Variants in CASP10 observed in about 807,000 individuals in gnomAD.
CASP10 encodes caspase-10.
In CASP10, 41 loss-of-function variants were observed where a neutral mutation model predicts 48.5. That is an observed-to-expected ratio of 0.85 (90% CI 0.66 to 1.10). The LOEUF (loss-of-function observed/expected upper bound fraction) is 1.10, where lower values mean the gene tolerates loss of function less well. Among genes scored for constraint, CASP10 ranks in the 50% least tolerant of loss-of-function variants. CASP10 has a pLI of 0.00. For missense variants in CASP10, 614 were observed against 614.5 expected (o/e 1.00, Z 0.01); for synonymous variants, 232 against 238.4 (o/e 0.97, Z 0.25).
intron 9 of CASP10, chr2:201,214,865 GATGAT>G (rs1433967667): frequency 2.0e-5 from 3 of 152,028 alleles, no homozygotes; most frequent in African/African-American, 7.3e-5. Context: ...GCATAGGAGG[GATGAT>G]ATTAGGTGGG....
In CASP10 at chr2:201,208,152, G is replaced by A; in HGVS notation, c.891G>A (p.Leu297=). The A allele has an allele frequency of 6.2e-7, 1 of 1,614,044 alleles. No individual in the cohort carries two copies. Among genetic ancestry groups the A allele is most frequent in the African/African-American group, 1.3e-5 (1 of 75,028 alleles). The change falls in exon 8 of 10, where the codon CTG becomes CTA. Residue 297 remains leucine, a synonymous_variant. Transcript: ENST00000286186. The stretch of plus-strand genomic sequence containing the variant: ...TCAACAACCACAGCTTTACCTCCCT[G>A]AAGGACAGACAAGGAACCCATAAAG... The part of the protein sequence containing the change: ...VIVNNHSFTS[L]KDRQGTHKDA...
rs1014318438 is a variant in CASP10 at position 201,200,826 on chromosome 2, C to A, written c.685-2904C>A. 8 of 880,128 alleles carry A rather than the reference C, an allele frequency of 9.1e-6. No individual in the cohort carries two copies. In the Admixed American group the frequency reaches 2.1e-4, roughly 23 times the overall value. 54.5% of individuals were successfully genotyped at this position (880,128 alleles called of 1,614,324 possible). A position where few individuals can be genotyped will look rare whatever the true frequency, so the allele number is the denominator to read the frequency against. On this transcript the variant is annotated intron_variant, in intron 5 of 9. Transcript: ENST00000286186. ...TATTTATAAAATCTTAAATTGGCTT[C>A]TTTTCTCTAGGAAAATAGCCCTTGA...
chr2:201,199,176 CTAA>C (rs1463863677), intron 5 of CASP10, among the ~76,000 whole-genome samples: 1 of 152,070 alleles, frequency 6.6e-6, no homozygotes, highest in Non-Finnish European at 1.5e-5. Context: ...TGTGTATTTC[CTAA>C]TAATAAGGAT....
At chr2:201,217,544 G>A (rs778661822) in intron 9 of CASP10, 44 bp from the exon 10 acceptor site, 6 of 1,355,958 alleles carry the variant, frequency 4.4e-6, no homozygotes, top group Non-Finnish European at 2.1e-6. Flanking sequence ...GGGCGACAGA[G>A]TGAGACTCCG....
intron 9 of CASP10, chr2:201,214,051 A>G (rs1945490165): frequency 6.6e-6 from 1 of 152,178 alleles, no homozygotes. Flanking sequence ...TATTTTTACT[A>G]TGAAGGCCAT....
In CASP10 at chr2:201,215,211, G is replaced by GT. The variant is rs10616229; in HGVS notation, c.1416-2352dup. Reference sequence around the variant, plus strand: ...ATTTTGTAGGTTGTCTCTTCCCTCGGTTTTTTTTTTTTTTTTTTTTTTTTT... The same window carrying GT: ...ATTTTGTAGGTTGTCTCTTCCCTCGGTTTTTTTTTTTTTTTTTTTTTTTTTT... On this transcript the variant is annotated intron_variant, in intron 9 of 9. Transcript: ENST00000286186. Among the ~76,000 whole-genome samples the GT allele has an allele frequency of 3.0e-3, 89 of 29,900 alleles. 2 individuals are homozygous for GT. The highest frequency in any genetic ancestry group is 0.019 in the East Asian group (18 of 934). The allele number at this position is 29,900 out of a possible 152,430, so 19.6% of individuals were successfully genotyped here.
In CASP10 at chr2:201,209,278, C is replaced by G; in HGVS notation, c.1131C>G (p.Ile377Met). 1 of 1,614,160 alleles carries G rather than the reference C, an allele frequency of 6.2e-7. No individual in the cohort carries two copies. The highest frequency in any genetic ancestry group is 1.1e-5 in the South Asian group (1 of 91,082). The change falls in exon 9 of 10, where the codon ATC becomes ATG. Residue 377 changes from isoleucine to methionine, a missense_variant. Transcript: ENST00000286186. ...SDEALIPIRE[I>M]MSHFTALQCP... ...AGGCCCTCATTCCCATTCGGGAGAT[C>G]ATGTCTCACTTCACAGCCCTGCAGT... is the stretch of plus-strand genomic sequence containing the variant.
intron 6 of CASP10, among the ~76,000 whole-genome samples, 196 bp downstream of exon 6, chr2:201,203,962 G>A (rs939974736): frequency 6.6e-6 from 1 of 152,170 alleles, no homozygotes; most frequent in African/African-American, 2.4e-5. Context: ...GTATGGAGAG[G>A]GCTGGGTGGT....
At chr2:201,229,312 A>C in exon 10 of CASP10, 1 of 578,698 alleles carries the variant, frequency 1.7e-6, no homozygotes, top group Non-Finnish European at 3.1e-6. Context: ...CATTTTCTTT[A>C]TTTAGAAATA....
intron 2 of CASP10, among the ~76,000 whole-genome samples, chr2:201,187,208 A>G (rs1944444511): frequency 6.6e-6 from 1 of 152,206 alleles, no homozygotes. Flanking sequence ...TCTGAGGGAC[A>G]GTCTCTGACA....
chr2:201,209,171 A>C lies in CASP10; in HGVS notation c.1024A>C (p.Asn342His), dbSNP rs781599616. 3 of 1,612,498 alleles carry C rather than the reference A, an allele frequency of 1.9e-6. 1 individual carries two copies. In the South Asian group the frequency reaches 3.3e-5, roughly 18 times the overall value. ...MEMVLQKQKC[N>H]PAHADGDCFV... Reference sequence around the variant, plus strand: ...GATGGTCCTGCAGAAGCAGAAGTGCAATCCAGCCCATGCCGACGGGGACTG... The same window carrying C: ...GATGGTCCTGCAGAAGCAGAAGTGCCATCCAGCCCATGCCGACGGGGACTG... The change falls in exon 9 of 10, where the codon AAT (asparagine) becomes CAT (histidine). Residue 342 changes from asparagine to histidine, a missense_variant. By Grantham distance (68) the Asn-to-His change is moderately conservative. Coordinates refer to ENST00000286186, the MANE Select transcript of CASP10 (RefSeq NM_032977.4).
intron 9 of CASP10, among the ~76,000 whole-genome samples, chr2:201,216,326 A>G (rs746317655): frequency 6.6e-6 from 1 of 152,026 alleles, no homozygotes; most frequent in Non-Finnish European, 1.5e-5. Context: ...CTACAATCGC[A>G]TTACCGCATT....
rs1027391067 is a variant in CASP10 at position 201,218,188 on chromosome 2, T to C, written c.*447T>C. ...CCTCCCACCTCTGTCCCCAAAATAC[T>C]GGGATTATAGGCACGAGCCACCACA... On this transcript the variant is annotated 3_prime_UTR_variant, in exon 10 of 10. Transcript: ENST00000286186. 1.3e-5 allele frequency: 13 copies of C among 1,029,574 alleles called. No individual in the cohort carries two copies. Among genetic ancestry groups the C allele is most frequent in the Non-Finnish European group, 1.4e-5 (12 of 855,812 alleles). The allele number at this position is 1,029,574 out of a possible 1,614,324, so 63.8% of individuals were successfully genotyped here.
intron 5 of CASP10, among the ~76,000 whole-genome samples, chr2:201,198,763 A>G (rs1576098806): frequency 7.0e-6 from 1 of 143,242 alleles, no homozygotes; most frequent in African/African-American, 2.6e-5. Context: ...GATGGTCTCA[A>G]TCTCCTGACC....
chr2:201,218,830 A>G lies in CASP10; in HGVS notation c.*1089A>G, dbSNP rs1945649712. ...ATCTAGTGAGGTGAAAATTTGGTCT[A>G]TGCCAGGCCCATTTCCTGCTTTTGT... On this transcript the variant is annotated 3_prime_UTR_variant, in exon 10 of 10. Transcript: ENST00000286186. The G allele has an allele frequency of 6.1e-6, 6 of 985,332 alleles. No homozygotes were observed. In the South Asian group the frequency reaches 2.3e-4, roughly 39 times the overall value. The allele number at this position is 985,332 out of a possible 1,614,324, so 61.0% of individuals were successfully genotyped here.
At chr2:201,211,030 G>A (rs1354704309) in intron 9 of CASP10, among the ~76,000 whole-genome samples, 2 of 152,086 alleles carry the variant, frequency 1.3e-5, no homozygotes, top group East Asian at 3.8e-4. Context: ...GTTGTATAAT[G>A]ATCAAATCAG....
chr2:201,228,843 AG>A (rs1945822657), intron 9 of CASP10: 1 of 1,119,396 alleles, frequency 8.9e-7, no homozygotes, highest in Non-Finnish European at 1.3e-6. Flanking sequence ...CCCATAAAAA[AG>A]CTATGCCGGG....
chr2:201,212,614 A>G (rs575969369), intron 9 of CASP10: 1 of 152,342 alleles, frequency 6.6e-6, no homozygotes, highest in South Asian at 2.1e-4. Context: ...CTGCTTGGCC[A>G]TGTCATCAGC....
rs1945681197 is a variant in CASP10 at position 201,219,997 on chromosome 2, AG to A, written c.*2257del. ...CTCATAAAAAAATGTCAAGGAATGA[AG>A]AACAACAACTCTCAGTGGTGCCTGC... On this transcript the variant is annotated 3_prime_UTR_variant, in exon 10 of 10. Transcript: ENST00000286186. The A allele has an allele frequency of 1.1e-5, 11 of 985,350 alleles. No individual in the cohort carries two copies. The highest frequency in any genetic ancestry group is 1.7e-5 in the African/African-American group (1 of 57,250). The allele number at this position is 985,350 out of a possible 1,614,324, so 61.0% of individuals were successfully genotyped here.
Sources: allele counts gnomAD v4.1 joint callset (sites outside exome capture counted in the v4.1 genomes callset), GRCh38; gene constraint gnomAD v4.1.1; transcripts MANE v1.5; gene names NCBI Gene and HGNC (gene_info 2026-07-23, HGNC 2026-07-21).